HPSE2: variants seen among roughly 807,000 people sequenced by gnomAD.
HPSE2 encodes inactive heparanase-2.
In HPSE2, 38 loss-of-function variants were observed where a neutral mutation model predicts 60.5. The observed-to-expected ratio is 0.63, with a 90% CI of 0.48 to 0.82. The LOEUF (loss-of-function observed/expected upper bound fraction) is 0.82, where lower values mean the gene tolerates loss of function less well. HPSE2 is among the 40% of genes least tolerant of loss of function. HPSE2 has a pLI of 0.00. For missense variants in HPSE2, 713 were observed against 740.4 expected, an observed-to-expected ratio of 0.96 and a Z score of 0.43; for synonymous variants, 295 against 293.2, an observed-to-expected ratio of 1.01 and a Z score of -0.06.
intron 9 of HPSE2, among the ~76,000 whole-genome samples, chr10:98,608,679 A>T (rs973054090): frequency 6.6e-6 from 1 of 152,186 alleles, no homozygotes; most frequent in Non-Finnish European, 1.5e-5. Context: ...TTCTCTCAGC[A>T]GCCGCAGGTT....
At position 99,053,260 on chromosome 10, in the gene HPSE2, G is replaced by A. The variant is rs150731899; in HGVS notation, c.610+90978C>T. Among the ~76,000 whole-genome samples the A allele has an allele frequency of 5.9e-3, 894 of 152,038 alleles. 7 individuals are homozygous for A. The highest frequency in any genetic ancestry group is 0.022 in the East Asian group (113 of 5,174). On this transcript the variant is annotated intron_variant, in intron 3 of 11. Coordinates refer to ENST00000370552, the MANE Select transcript of HPSE2 (RefSeq NM_021828.5). ...GTGAGAAGTTAAATAAAATTATGCC[G>A]TTGCAAAACTTTTCCATTGTATGGA...
the HPSE2 span, among the ~76,000 whole-genome samples, chr10:99,309,351 A>C: frequency 4.6e-5 from 7 of 152,244 alleles, no homozygotes. Context: ...ATATATCTCA[A>C]ACTATTTAAA....
intron 3 of HPSE2, among the ~76,000 whole-genome samples, chr10:98,774,234 T>C (rs1950296755): frequency 1.3e-5 from 2 of 151,856 alleles, no homozygotes; most frequent in Admixed American, 6.6e-5. Flanking sequence ...AAGAACAAAA[T>C]AATTGAGTAT....
chr10:99,313,724 T>C, the HPSE2 span, among the ~76,000 whole-genome samples: 1 of 149,562 alleles, frequency 6.7e-6, no homozygotes, highest in East Asian at 2.0e-4. Context: ...CTCAGCCTCC[T>C]GAGTAGCTGG....
At chr10:99,234,647 G>C (rs1312968251) in intron 1 of HPSE2, among the ~76,000 whole-genome samples, 1 of 152,108 alleles carries the variant, frequency 6.6e-6, no homozygotes, top group Admixed American at 6.5e-5. Flanking sequence ...AGCCCAATTA[G>C]ATTACAAGCC....
rs141218675 is a variant in HPSE2, at chr10:98,670,192, C to G, written c.1004+23708G>C. Among the ~76,000 whole-genome samples the G allele has an allele frequency of 2.2e-4, 33 of 152,272 alleles. 1 individual carries two copies. The East Asian group carries it at 6.4e-3, about 29-fold the overall frequency. ...AGGCAGCCAGTTAAGTAGGGCCATG[C>G]AGGCCACTCTAAGGGCTTTGGTTCT... On this transcript the variant is annotated intron_variant, in intron 6 of 11. Transcript: ENST00000370552.
intron 6 of HPSE2, among the ~76,000 whole-genome samples, chr10:98,659,106 A>G (rs916475775): frequency 6.6e-6 from 1 of 152,094 alleles, no homozygotes; most frequent in African/African-American, 2.4e-5. Context: ...CCACCTCCCT[A>G]TAGAACCTGG....
At chr10:98,960,727 T>G (rs1955644996) in intron 3 of HPSE2, among the ~76,000 whole-genome samples, 1 of 14,686 alleles carries the variant, frequency 6.8e-5, no homozygotes, top group African/African-American at 2.7e-4. Context: ...TTTTGTTTTA[T>G]TTTTTTTATT....
At chr10:98,506,094 C>T (rs1942190792) in intron 9 of HPSE2, among the ~76,000 whole-genome samples, 1 of 151,858 alleles carries the variant, frequency 6.6e-6, no homozygotes, top group Non-Finnish European at 1.5e-5. Context: ...GAAGAATTTA[C>T]CTTTTTATGA....
intron 3 of HPSE2, among the ~76,000 whole-genome samples, chr10:98,929,902 T>C (rs1954594329): frequency 6.9e-6 from 1 of 144,082 alleles, no homozygotes. Context: ...TATTGGCACA[T>C]AGCCAATAAA....
the HPSE2 span, among the ~76,000 whole-genome samples, chr10:99,301,111 G>A: frequency 6.6e-6 from 1 of 152,196 alleles, no homozygotes; most frequent in African/African-American, 2.4e-5. Context: ...CTTAAAGGAT[G>A]CTTTCTTTTT....
intron 6 of HPSE2, among the ~76,000 whole-genome samples, chr10:98,692,521 C>T (rs113337486): frequency 2.6e-5 from 4 of 152,086 alleles, no homozygotes; most frequent in African/African-American, 4.8e-5. Flanking sequence ...GTAATCCCAG[C>T]ACTTTGGGAG....
intron 3 of HPSE2, among the ~76,000 whole-genome samples, chr10:98,872,489 A>C (rs1952760129): frequency 6.6e-6 from 1 of 152,118 alleles, no homozygotes; most frequent in African/African-American, 2.4e-5. Flanking sequence ...TCTTTGGAGT[A>C]ACTTAAAGTG....
intron 4 of HPSE2, among the ~76,000 whole-genome samples, chr10:98,726,653 TAATAA>T (rs1565114922): frequency 1.4e-5 from 2 of 147,750 alleles, no homozygotes; most frequent in African/African-American, 4.9e-5. Context: ...ATAATAATAA[TAATAA>T]TAATAATAAA....
chr10:99,197,152 T>C (rs565501545), intron 2 of HPSE2, among the ~76,000 whole-genome samples: 7 of 152,260 alleles, frequency 4.6e-5, no homozygotes, highest in Non-Finnish European at 1.0e-4. Flanking sequence ...TTCTCACTTA[T>C]TTGTGGGATC....
chr10:99,297,381 G>A, the HPSE2 span, among the ~76,000 whole-genome samples: 2 of 152,210 alleles, frequency 1.3e-5, no homozygotes, highest in East Asian at 3.9e-4. Flanking sequence ...CTCTGGTGAA[G>A]AGGTGACTGT....
intron 2 of HPSE2, among the ~76,000 whole-genome samples, chr10:99,155,905 T>A (rs2135816091): frequency 6.6e-6 from 1 of 151,902 alleles, no homozygotes; most frequent in Admixed American, 6.6e-5. Flanking sequence ...CAATAAAAAA[T>A]GATAAAGGGG....
At chr10:98,946,722 A>G (rs991099794) in intron 3 of HPSE2, among the ~76,000 whole-genome samples, 1 of 152,162 alleles carries the variant, frequency 6.6e-6, no homozygotes, top group African/African-American at 2.4e-5. Context: ...TTACAGTTAA[A>G]AGAAATGTAA....
intron 6 of HPSE2, among the ~76,000 whole-genome samples, chr10:98,688,919 A>G (rs1450321409): frequency 6.6e-6 from 1 of 151,338 alleles, no homozygotes; most frequent in Admixed American, 6.6e-5. Flanking sequence ...TTTTAAGAAT[A>G]TTGTTCTGTT....
Sources: gnomAD v4.1 joint callset for allele counts (sites outside exome capture counted in the v4.1 genomes callset) on GRCh38, gnomAD v4.1.1 for gene constraint, MANE v1.5 for transcripts, NCBI Gene and HGNC (gene_info 2026-07-23, HGNC 2026-07-21) for gene names.